Variants in AHRR observed in about 807,000 individuals in gnomAD.
AHRR encodes the protein ahR repressor.
AHRR carries 28 observed loss-of-function variants against 44.0 expected under a neutral mutation model. The observed-to-expected ratio is 0.64, with a 90% CI of 0.47 to 0.87. The LOEUF (loss-of-function observed/expected upper bound fraction) is 0.87, where lower values mean the gene tolerates loss of function less well. Among genes scored for constraint, AHRR ranks in the 40% least tolerant of loss-of-function variants. The pLI, the probability that AHRR is intolerant of heterozygous loss-of-function variation, is 0.00. For synonymous variants in AHRR, 434 were observed against 407.0 expected (o/e 1.07, Z -0.80); for missense variants, 990 against 953.9 (o/e 1.04, Z -0.50).
chr5:345,295 C>G (rs1177589788), intron 2 of AHRR, among the ~76,000 whole-genome samples: 1 of 79,846 alleles, frequency 1.3e-5, no homozygotes, highest in Admixed American at 1.5e-4. Flanking sequence ...GGATGATGTC[C>G]CTGGCTGTGT....
At chr5:425,940 G>A (rs1393868175) in intron 7 of AHRR, among the ~76,000 whole-genome samples, 3 of 152,166 alleles carry the variant, frequency 2.0e-5, no homozygotes, top group African/African-American at 7.2e-5. Flanking sequence ...GGGTGTCATG[G>A]AAGCTCCCTC....
At chr5:421,187 G>T in intron 5 of AHRR, 2 of 634,894 alleles carry the variant, frequency 3.2e-6, no homozygotes, top group South Asian at 3.3e-5. Context: ...GCTGGTGCCG[G>T]GCAGGAGGCC....
rs542635022 is a variant in AHRR, at chr5:387,885, C to T, written c.351+11169C>T. ...AAAACCAGCGCCGATGGGCTGCAAGCGAGGTGTTGGCAGGACGGGCCCCTT... is the reference window on the plus strand; with the variant it reads ...AAAACCAGCGCCGATGGGCTGCAAGTGAGGTGTTGGCAGGACGGGCCCCTT... On this transcript the variant is annotated intron_variant, in intron 4 of 10. Transcript: ENST00000684583. The surrounding 1 kb of genome is among the most constrained non-coding windows in gnomAD (Gnocchi z 5.1). Among the ~76,000 whole-genome samples, 2 of 152,314 alleles carry T rather than the reference C, an allele frequency of 1.3e-5. No homozygotes were observed. The highest frequency in any genetic ancestry group is 2.4e-5 in the African/African-American group (1 of 41,584).
At chr5:323,647 C>A (rs1741584219) in intron 1 of AHRR, among the ~76,000 whole-genome samples, 1 of 152,188 alleles carries the variant, frequency 6.6e-6, no homozygotes, top group South Asian at 2.1e-4. Flanking sequence ...ACAGGGTCTT[C>A]CCACCTCGTT....
intron 4 of AHRR, among the ~76,000 whole-genome samples, chr5:393,518 T>TG (rs1381125134): frequency 5.9e-5 from 9 of 152,372 alleles, no homozygotes; most frequent in African/African-American, 2.2e-4. Context: ...GGCTGAAGCC[T>TG]GTCCCAGTGT....
chr5:427,806 GA>G lies in AHRR; in HGVS notation c.709del (p.Thr237ArgfsTer8), dbSNP rs1736519179. ...CLLDSTSGFL[T>X]MQFQGKLKFL... Reference sequence around the variant, plus strand: ...CTTCCTCTCTGTCTTTAAAACACCAGACGATGCAGTTTCAAGGAAAACTAAA... The same window carrying G: ...CTTCCTCTCTGTCTTTAAAACACCAGCGATGCAGTTTCAAGGAAAACTAAA... On this transcript the variant is annotated frameshift_variant and splice_region_variant, in exon 8 of 11. Coordinates refer to ENST00000684583, the MANE Select transcript of AHRR (RefSeq NM_001377236.1). The G allele has an allele frequency of 6.2e-6, 10 of 1,614,004 alleles. No individual in the cohort carries two copies. The highest frequency in any genetic ancestry group is 5.9e-6 in the Non-Finnish European group (7 of 1,179,986).
intron 5 of AHRR, among the ~76,000 whole-genome samples, chr5:417,651 C>CT (rs1735888364): frequency 6.6e-6 from 1 of 152,148 alleles, no homozygotes; most frequent in South Asian, 2.1e-4. Flanking sequence ...TGCAGAGCAG[C>CT]TTTGATTCCA....
At chr5:394,271 G>A (rs1488337586) in intron 4 of AHRR, among the ~76,000 whole-genome samples, 3 of 103,146 alleles carry the variant, frequency 2.9e-5, no homozygotes, top group Admixed American at 2.6e-4. Flanking sequence ...CCTGTGTGCT[G>A]GAACCCTCTT....
Position 376,707 on chromosome 5 carries a change from G to T in AHRR, c.342G>T (p.Leu114=). The part of the protein sequence containing the change: ...LAGSAVLEGR[L]LLESLNGFAL... Reference sequence around the variant, plus strand: ...GGTCTGCCGTGCTGGAGGGAAGGCTGCTGTTGGAGGTGAGTGCCACCCTTG... The same window carrying T: ...GGTCTGCCGTGCTGGAGGGAAGGCTTCTGTTGGAGGTGAGTGCCACCCTTG... Residue 114 remains leucine (L), a synonymous_variant, in exon 4 of 11, where the codon CTG becomes CTT. Transcript: ENST00000684583. 6.2e-7 allele frequency: 1 copy of T among 1,607,036 alleles called. No individual in the cohort carries two copies.
At chr5:343,584 G>A (rs1245499991) in intron 1 of AHRR, 3 of 394,198 alleles carry the variant, frequency 7.6e-6, no homozygotes, top group Non-Finnish European at 1.4e-5. Flanking sequence ...TCCTCCTCAG[G>A]ACGCCGGTCT....
chr5:327,315 C>A (rs540994435), intron 1 of AHRR, among the ~76,000 whole-genome samples: 2 of 152,222 alleles, frequency 1.3e-5, no homozygotes, highest in South Asian at 4.2e-4. Flanking sequence ...GTTTTTAGGG[C>A]GCCCATTACC....
intron 4 of AHRR, among the ~76,000 whole-genome samples, chr5:398,830 T>G (rs937049891): frequency 6.6e-6 from 1 of 152,140 alleles, no homozygotes; most frequent in African/African-American, 2.4e-5. Flanking sequence ...CTCAGCAAAC[T>G]GTGGGTCTGT....
intron 1 of AHRR, among the ~76,000 whole-genome samples, chr5:335,566 T>A (rs1579590385): frequency 6.6e-6 from 1 of 152,088 alleles, no homozygotes; most frequent in Non-Finnish European, 1.5e-5. Flanking sequence ...TCTAGCCCCC[T>A]GAGTGCATGC....
intron 4 of AHRR, among the ~76,000 whole-genome samples, chr5:377,498 C>G (rs1189789654): frequency 6.6e-6 from 1 of 152,148 alleles, no homozygotes; most frequent in Non-Finnish European, 1.5e-5. Context: ...AACTCAGGAC[C>G]CCTGGGTGGG....
In AHRR at chr5:420,824, GCCACCCAC is replaced by G. The variant is rs1416563621; in HGVS notation, c.442-1900_442-1893del. Reference sequence around the variant, plus strand: ...AGCCACGCAGCCACCCACCCACGCAGCCACCCACCCACGCAGCACGCACAGACCCACGC... The same window carrying G: ...AGCCACGCAGCCACCCACCCACGCAGCCACGCAGCACGCACAGACCCACGC... On this transcript the variant is annotated intron_variant, in intron 5 of 10. Transcript: ENST00000684583. The G allele has an allele frequency of 1.6e-5, 4 of 247,180 alleles. No homozygotes were observed. The Admixed American group carries it at 2.2e-4, about 14-fold the overall frequency. The allele number at this position is 247,180 out of a possible 1,614,324, so 15.3% of individuals were successfully genotyped here. A position where few individuals can be genotyped will look rare whatever the true frequency, so the allele number is the denominator to read the frequency against.
rs907217480 is a variant in AHRR, at chr5:388,580, C to T, written c.351+11864C>T. On this transcript the variant is annotated intron_variant, in intron 4 of 10. Transcript: ENST00000684583. The surrounding 1 kb of genome is among the most constrained non-coding windows in gnomAD (Gnocchi z 5.2). Reference sequence around the variant, plus strand: ...CAGGGCGTCTGCGGTGGCCCTGAGCCGAGGCTGCTTCATGCCAGGCAGCCC... The same window carrying T: ...CAGGGCGTCTGCGGTGGCCCTGAGCTGAGGCTGCTTCATGCCAGGCAGCCC... Among the ~76,000 whole-genome samples, 9 of 152,122 alleles carry T rather than the reference C, an allele frequency of 5.9e-5. No individual in the cohort carries two copies. The highest frequency in any genetic ancestry group is 2.1e-4 in the South Asian group (1 of 4,824).
intron 1 of AHRR, among the ~76,000 whole-genome samples, chr5:332,656 G>T (rs1353245519): frequency 3.3e-5 from 5 of 152,134 alleles, no homozygotes; most frequent in African/African-American, 1.2e-4. Context: ...TTGTTGGGGA[G>T]AATATTCTAT....
intron 3 of AHRR, among the ~76,000 whole-genome samples, chr5:373,583 C>T (rs1270884531): frequency 1.3e-5 from 2 of 151,904 alleles, no homozygotes; most frequent in Middle Eastern, 3.4e-3. Context: ...TGGGCAACTG[C>T]GGTGGCTGGG....
At chr5:381,506 CTTTTTTTTTTTTTTT>C (rs781159124) in intron 4 of AHRR, among the ~76,000 whole-genome samples, 4 of 46,914 alleles carry the variant, frequency 8.5e-5, no homozygotes, top group Non-Finnish European at 1.5e-4. Flanking sequence ...CTTAGGTTTG[CTTTTTTTTTTTTTTT>C]TTTTTTTTTT....
Sources: allele counts gnomAD v4.1 joint callset (sites outside exome capture counted in the v4.1 genomes callset), GRCh38; gene constraint gnomAD v4.1.1; non-coding constraint Gnocchi (gnomAD v3.1); transcripts MANE v1.5; gene names NCBI Gene and HGNC (gene_info 2026-07-23, HGNC 2026-07-21).